MRPS31: variants seen among roughly 807,000 people sequenced by gnomAD.
MRPS31 encodes the protein small ribosomal subunit protein mS31.
Under a neutral mutation model 43.1 loss-of-function variants are expected in MRPS31, and 32 were observed. The observed-to-expected ratio is 0.74, with a 90% confidence interval of 0.56 to 1.00. The LOEUF (loss-of-function observed/expected upper bound fraction) is 1.00, where lower values mean the gene tolerates loss of function less well. Ranked by LOEUF, MRPS31 falls within the 50% of genes least tolerant of loss-of-function variation. MRPS31 has a pLI of 0.00. For missense variants in MRPS31, 437 were observed against 466.7 expected, an observed-to-expected ratio of 0.94 and a Z score of 0.59; for synonymous variants, 165 against 161.6, an observed-to-expected ratio of 1.02 and a Z score of -0.16.
chr13:40,748,666 C>T (rs1220384953), intron 6 of MRPS31, among the ~76,000 whole-genome samples: 1 of 152,214 alleles, frequency 6.6e-6, no homozygotes, highest in Non-Finnish European at 1.5e-5. Context: ...ATTTCCAAAG[C>T]ATACTGTTTT....
intron 6 of MRPS31, among the ~76,000 whole-genome samples, chr13:40,741,291 A>G (rs1247227340): frequency 1.3e-5 from 2 of 152,138 alleles, no homozygotes; most frequent in Non-Finnish European, 2.9e-5. Context: ...TATGATTTTT[A>G]AAGTCAAATT....
intron 2 of MRPS31, among the ~76,000 whole-genome samples, chr13:40,765,450 G>C (rs987359484): frequency 7.2e-5 from 11 of 152,152 alleles, no homozygotes; most frequent in African/African-American, 2.7e-4. Context: ...TTATAATAAA[G>C]AGCATGATGG....
intron 2 of MRPS31, among the ~76,000 whole-genome samples, chr13:40,762,870 TCCC>T (rs984112948): frequency 6.7e-6 from 1 of 150,284 alleles, no homozygotes; most frequent in African/African-American, 2.4e-5. Context: ...CCTACATCCC[TCCC>T]CCCATTTTAA....
At chr13:40,739,027 A>G (rs1218107277) in intron 6 of MRPS31, among the ~76,000 whole-genome samples, 2 of 152,218 alleles carry the variant, frequency 1.3e-5, no homozygotes, top group Non-Finnish European at 2.9e-5. Flanking sequence ...ATGATTGTAT[A>G]TCTAGAAAAC....
chr13:40,763,729 A>T (rs79046132), intron 2 of MRPS31, among the ~76,000 whole-genome samples: 49 of 152,322 alleles, frequency 3.2e-4, no homozygotes, highest in African/African-American at 1.2e-3. Flanking sequence ...ACCAGGGGAA[A>T]CTTTGTGACT....
chr13:40,729,579 T>C lies in MRPS31; in HGVS notation c.981A>G (p.Glu327=). ...TCTCCAGAAATATATGTTCATGAAA[T>C]TCTGAACCATCATCATCAAAACCTA... ...NEAGFDDDGS[E]FHEHIFLEKH... Residue 327 remains glutamate (E), a synonymous_variant, in exon 7 of 7, where the codon GAA becomes GAG. Transcript: ENST00000323563. The C allele has an allele frequency of 1.2e-6, 2 of 1,613,446 alleles. No individual in the cohort carries two copies. The highest frequency in any genetic ancestry group is 1.7e-6 in the Non-Finnish European group (2 of 1,179,544).
chr13:40,767,012 T>A lies in MRPS31; in HGVS notation c.174A>T (p.Arg58Ser). The change falls in exon 2 of 7, where the codon AGA becomes AGT. Residue 58 changes from arginine (R) to serine (S), a missense_variant. By Grantham distance (110) the Arg-to-Ser change is moderately radical. Transcript: ENST00000323563. ...LLARTKNNIQ[R>S]YFGTNSVICS... ...AGATCACACTGTTAGTGCCAAAATA[T>A]CTTTGGATGTTATTTTTTGTCCTGG... 5 of 1,606,154 alleles carry A rather than the reference T, an allele frequency of 3.1e-6. No homozygotes were observed. The highest frequency in any genetic ancestry group is 3.4e-6 in the Non-Finnish European group (4 of 1,177,606).
intron 6 of MRPS31, among the ~76,000 whole-genome samples, chr13:40,740,511 C>T (rs1880052831): frequency 7.2e-6 from 1 of 139,680 alleles, no homozygotes; most frequent in Admixed American, 7.2e-5. Context: ...GCATTATTCA[C>T]AATAGCAAAG....
chr13:40,730,101 C>G (rs185688938), intron 6 of MRPS31, among the ~76,000 whole-genome samples: 24 of 152,220 alleles, frequency 1.6e-4, no homozygotes, highest in Admixed American at 7.9e-4. Flanking sequence ...CTTCTCTGAG[C>G]AGCAGATTCC....
chr13:40,763,037 G>A (rs1336167950), intron 2 of MRPS31, among the ~76,000 whole-genome samples: 1 of 152,164 alleles, frequency 6.6e-6, no homozygotes, highest in Non-Finnish European at 1.5e-5. Flanking sequence ...TAAATTTCCA[G>A]CAGGGATCAA....
chr13:40,747,861 G>A (rs1056267106), intron 6 of MRPS31, among the ~76,000 whole-genome samples: 6 of 152,076 alleles, frequency 3.9e-5, no homozygotes, highest in South Asian at 4.2e-4. Context: ...AAAACAATAC[G>A]AATATACAAA....
At chr13:40,742,889 G>A (rs1880141559) in intron 6 of MRPS31, among the ~76,000 whole-genome samples, 1 of 152,020 alleles carries the variant, frequency 6.6e-6, no homozygotes, top group East Asian at 1.9e-4. Flanking sequence ...CTTTGACCAT[G>A]TACAAAAATC....
intron 2 of MRPS31, among the ~76,000 whole-genome samples, chr13:40,764,827 T>C (rs1412568088): frequency 3.3e-5 from 5 of 152,180 alleles, no homozygotes; most frequent in Admixed American, 6.5e-5. Flanking sequence ...AGAGCACAGA[T>C]TGGCCTTCCC....
At chr13:40,744,398 CAAAT>C (rs1566106627) in intron 6 of MRPS31, among the ~76,000 whole-genome samples, 2 of 151,990 alleles carry the variant, frequency 1.3e-5, no homozygotes, top group Non-Finnish European at 2.9e-5. Context: ...ATTAGAGACA[CAAAT>C]AAATGAGAGT....
chr13:40,770,355 G>A (rs570011154), intron 1 of MRPS31, among the ~76,000 whole-genome samples: 3 of 152,326 alleles, frequency 2.0e-5, no homozygotes, highest in African/African-American at 7.2e-5. Flanking sequence ...AACCAAGTAT[G>A]CCACAATTCC....
At position 40,729,471 on chromosome 13, in the gene MRPS31, A is replaced by G; in HGVS notation, c.1089T>C (p.Tyr363=). The G allele has an allele frequency of 6.2e-7, 1 of 1,612,430 alleles. No individual in the cohort carries two copies. The highest frequency in any genetic ancestry group is 8.5e-7 in the Non-Finnish European group (1 of 1,178,528). ...GTTCAACCTTCTGTTTAACACTAAG[A>G]TATGGGTTTTTGGAAAGGCCACAAG... ...LVTCGLSKNP[Y]LSVKQKVEHI... Residue 363 remains tyrosine (Y), a synonymous_variant, in exon 7 of 7, where the codon TAT becomes TAC. Coordinates refer to ENST00000323563, the MANE Select transcript of MRPS31 (RefSeq NM_005830.4).
intron 6 of MRPS31, among the ~76,000 whole-genome samples, chr13:40,738,638 G>A (rs1015439845): frequency 1.2e-4 from 18 of 152,110 alleles, no homozygotes; most frequent in South Asian, 6.2e-4. Flanking sequence ...TTCAATATAC[G>A]CAAATCAATA....
At chr13:40,732,215 G>A (rs1178089714) in intron 6 of MRPS31, among the ~76,000 whole-genome samples, 9 of 152,206 alleles carry the variant, frequency 5.9e-5, no homozygotes, top group Middle Eastern at 3.2e-3. Flanking sequence ...AAATGAAGAC[G>A]TTCCTTCCCA....
chr13:40,756,566 T>C (rs908918594), intron 4 of MRPS31, among the ~76,000 whole-genome samples: 1 of 152,172 alleles, frequency 6.6e-6, no homozygotes, highest in African/African-American at 2.4e-5. Flanking sequence ...TCTCACAAAA[T>C]ACTTATTTGC....
Sources: gnomAD v4.1 joint callset for allele counts (sites outside exome capture counted in the v4.1 genomes callset) on GRCh38, gnomAD v4.1.1 for gene constraint, MANE v1.5 for transcripts, NCBI Gene and HGNC (gene_info 2026-07-23, HGNC 2026-07-21) for gene names.